The following SGK1 variants were observed in gnomAD, a reference collection of about 807,000 sequenced individuals.
SGK1 encodes the protein serine/threonine-protein kinase Sgk1.
SGK1 carries 26 observed loss-of-function variants against 64.2 expected under a neutral mutation model. That is an observed-to-expected ratio of 0.40 (90% CI 0.30 to 0.56). SGK1 has a LOEUF of 0.56. Ranked by LOEUF, SGK1 falls within the 20% of genes least tolerant of loss-of-function variation. The probability of loss-of-function intolerance (pLI) is 0.38; values close to 1 mark genes in which losing one functional copy is unlikely to be tolerated. For missense variants in SGK1, 519 were observed against 645.6 expected, an observed-to-expected ratio of 0.80 and a Z score of 2.12; for synonymous variants, 265 against 239.7, an observed-to-expected ratio of 1.11 and a Z score of -0.98.
chr6:134,230,686 C>T (rs550616955), intron 2 of SGK1, among the ~76,000 whole-genome samples: 1 of 152,216 alleles, frequency 6.6e-6, no homozygotes, highest in African/African-American at 2.4e-5. Context: ...CAGGTGGGAA[C>T]AAAAAGCCTA....
At chr6:134,178,604 G>A (rs923697649) in intron 3 of SGK1, among the ~76,000 whole-genome samples, 4 of 152,206 alleles carry the variant, frequency 2.6e-5, no homozygotes, top group African/African-American at 9.7e-5. Context: ...CTCCCTGGTG[G>A]CGAAGTGGTC....
chr6:134,261,987 C>A lies in SGK1; in HGVS notation c.231G>T (p.Gly77=). The A allele has an allele frequency of 6.2e-7, 1 of 1,613,798 alleles. No individual in the cohort carries two copies. Among genetic ancestry groups the A allele is most frequent in the Non-Finnish European group, 8.5e-7 (1 of 1,179,782 alleles). Residue 77 remains glycine (G), a synonymous_variant, in exon 2 of 14, where the codon GGG becomes GGT. Transcript: ENST00000367858. Reference sequence around the variant, plus strand: ...ATGACTCGTTCTCCTGAGGGAGAACCCCTCTTTGGAAAGCATGTTCACCCA... The same window carrying A: ...ATGACTCGTTCTCCTGAGGGAGAACACCTCTTTGGAAAGCATGTTCACCCA... ...TCLGEHAFQR[G]VLPQENESCS... is the part of the protein sequence containing the mutation.
chr6:134,300,551 A>G (rs112847290), intron 1 of SGK1, among the ~76,000 whole-genome samples: 7,121 of 148,650 alleles, frequency 0.048, 258 homozygotes, highest in Non-Finnish European at 0.074. Context: ...AAAAAAAAAA[A>G]AAAGAAAGAA....
chr6:134,266,044 C>T (rs908218983), intron 1 of SGK1, among the ~76,000 whole-genome samples: 9 of 151,878 alleles, frequency 5.9e-5, no homozygotes, highest in African/African-American at 1.2e-4. Flanking sequence ...AGTGCAGTGG[C>T]GCGATCTCAG....
At chr6:134,228,018 G>A (rs992779855) in intron 2 of SGK1, among the ~76,000 whole-genome samples, 2 of 124,414 alleles carry the variant, frequency 1.6e-5, no homozygotes, top group Non-Finnish European at 3.1e-5. Context: ...GCAGTGGCAC[G>A]ATCTCAGCTC....
At chr6:134,212,729 G>C (rs1409592849) in intron 2 of SGK1, among the ~76,000 whole-genome samples, 1 of 152,162 alleles carries the variant, frequency 6.6e-6, no homozygotes, top group African/African-American at 2.4e-5. Context: ...CATACCATGG[G>C]AGTAAAGAAT....
intron 1 of SGK1, among the ~76,000 whole-genome samples, chr6:134,281,210 GT>G (rs1437531283): frequency 6.6e-6 from 1 of 152,126 alleles, no homozygotes; most frequent in Admixed American, 6.6e-5. Flanking sequence ...TCATAGCTTA[GT>G]TTTTGGTCAT....
At chr6:134,260,381 C>CCCCG (rs1474660359) in intron 2 of SGK1, 3 of 143,782 alleles carry the variant, frequency 2.1e-5, no homozygotes, top group Non-Finnish European at 4.6e-5. Context: ...CCCACCCCCC[C>CCCCG]CAAAAAAAGG....
At chr6:134,217,858 G>A (rs1776012290) in intron 2 of SGK1, among the ~76,000 whole-genome samples, 1 of 152,150 alleles carries the variant, frequency 6.6e-6, no homozygotes, top group Admixed American at 6.5e-5. Context: ...TCCTCCTTTT[G>A]TGGTTTTATT....
intron 1 of SGK1, among the ~76,000 whole-genome samples, chr6:134,304,140 T>G (rs972207285): frequency 6.6e-6 from 1 of 152,080 alleles, no homozygotes; most frequent in African/African-American, 2.4e-5. Flanking sequence ...ACAAGAAGCT[T>G]TCTCGGACTT....
In SGK1 at chr6:134,284,635, C is replaced by T. The variant is rs139851826; in HGVS notation, c.70-22487G>A. Among the ~76,000 whole-genome samples the T allele has an allele frequency of 4.2e-3, 636 of 152,192 alleles. 5 individuals carry two copies. The highest frequency in any genetic ancestry group is 0.015 in the African/African-American group (607 of 41,540). On this transcript the variant is annotated intron_variant, in intron 1 of 13. Coordinates refer to ENST00000367858, the MANE Select transcript of SGK1 (RefSeq NM_001143676.3). The stretch of plus-strand genomic sequence containing the variant: ...AAGTAGCTGGGACTACAGGTGCACA[C>T]CACTACACCTAGTTAATTTTTGTAT...
At chr6:134,298,906 T>G (rs539180399) in intron 1 of SGK1, among the ~76,000 whole-genome samples, 13 of 152,062 alleles carry the variant, frequency 8.5e-5, no homozygotes, top group African/African-American at 3.1e-4. Context: ...GTTCATGTGA[T>G]TCTCCTGCCT....
At chr6:134,212,060 T>G in intron 2 of SGK1, among the ~76,000 whole-genome samples, 1 of 65,080 alleles carries the variant, frequency 1.5e-5, no homozygotes, top group African/African-American at 4.4e-5. Flanking sequence ...TTGTTTTTTG[T>G]TTTTTTTGGG....
intron 3 of SGK1, among the ~76,000 whole-genome samples, chr6:134,196,101 A>G (rs1775590480): frequency 6.6e-6 from 1 of 152,212 alleles, no homozygotes; most frequent in Non-Finnish European, 1.5e-5. Context: ...ACAAAATTCT[A>G]TAATCTATTA....
intron 2 of SGK1, among the ~76,000 whole-genome samples, chr6:134,231,356 T>C (rs1776276012): frequency 6.6e-6 from 1 of 152,190 alleles, no homozygotes; most frequent in Non-Finnish European, 1.5e-5. Flanking sequence ...AAAAAGAGAG[T>C]TAGCAATAAT....
chr6:134,244,498 T>C (rs1776494203), intron 2 of SGK1, among the ~76,000 whole-genome samples: 1 of 152,150 alleles, frequency 6.6e-6, no homozygotes, highest in Non-Finnish European at 1.5e-5. Context: ...GGGAAAAGCA[T>C]AGTATCTGGG....
chr6:134,222,644 A>C (rs1447014472), intron 2 of SGK1, among the ~76,000 whole-genome samples: 6 of 152,118 alleles, frequency 3.9e-5, no homozygotes, highest in African/African-American at 1.4e-4. Context: ...CTTTAGAAAA[A>C]ATTTCTAATG....
At chr6:134,258,256 A>C (rs1776713212) in intron 2 of SGK1, among the ~76,000 whole-genome samples, 1 of 151,754 alleles carries the variant, frequency 6.6e-6, no homozygotes, top group Non-Finnish European at 1.5e-5. Flanking sequence ...GGAATCCACC[A>C]CCATGCTCAG....
intron 1 of SGK1, among the ~76,000 whole-genome samples, chr6:134,274,462 T>A (rs13437143): frequency 0.062 from 9,506 of 152,190 alleles, 555 homozygotes; most frequent in East Asian, 0.24. Flanking sequence ...TCAAATCTAC[T>A]TTTAGCTCTC....
Sources: gnomAD v4.1 joint callset for allele counts (sites outside exome capture counted in the v4.1 genomes callset) on GRCh38, gnomAD v4.1.1 for gene constraint, MANE v1.5 for transcripts, NCBI Gene and HGNC (gene_info 2026-07-23, HGNC 2026-07-21) for gene names.